The following PPM1E variants were observed in gnomAD, a reference collection of about 807,000 sequenced individuals.
PPM1E encodes protein phosphatase, Mg2+/Mn2+ dependent 1E, also known as protein phosphatase 1E.
In PPM1E, 20 loss-of-function variants were observed where a neutral mutation model predicts 65.9. The ratio of observed to expected loss-of-function variants is 0.30; its 90% confidence interval spans 0.21 to 0.44. The LOEUF (loss-of-function observed/expected upper bound fraction) is 0.44. PPM1E is among the 20% of genes least tolerant of loss of function. The pLI is 1.00. For missense variants in PPM1E, 713 were observed against 953.1 expected (o/e 0.75, Z 3.32); for synonymous variants, 352 against 374.9 (o/e 0.94, Z 0.70).
chr17:58,913,345 T>C (rs1002879100), intron 1 of PPM1E, among the ~76,000 whole-genome samples: 1 of 152,096 alleles, frequency 6.6e-6, no homozygotes, highest in Admixed American at 6.5e-5. Context: ...GTTAGCAAGG[T>C]AATAAGTGAG....
intron 1 of PPM1E, among the ~76,000 whole-genome samples, chr17:58,862,151 G>A (rs1332424163): frequency 1.3e-5 from 2 of 152,138 alleles, no homozygotes; most frequent in Non-Finnish European, 1.5e-5. Flanking sequence ...AGTTTCATAG[G>A]TCTGCCTGTT....
At chr17:58,887,406 A>T (rs917785990) in intron 1 of PPM1E, among the ~76,000 whole-genome samples, 3 of 152,096 alleles carry the variant, frequency 2.0e-5, no homozygotes, top group Non-Finnish European at 4.4e-5. Flanking sequence ...ACCTCAGGTG[A>T]TCTGCCCGTC....
intron 1 of PPM1E, among the ~76,000 whole-genome samples, chr17:58,846,075 G>A (rs2050768560): frequency 6.6e-6 from 1 of 152,144 alleles, no homozygotes; most frequent in African/African-American, 2.4e-5. Flanking sequence ...TACCTGGGTT[G>A]CTTCCATGTT....
chr17:58,859,551 C>T (rs2050917372), intron 1 of PPM1E, among the ~76,000 whole-genome samples: 1 of 152,156 alleles, frequency 6.6e-6, no homozygotes, highest in Non-Finnish European at 1.5e-5. Flanking sequence ...GAGAATTTGT[C>T]AGACTGTAAA....
intron 1 of PPM1E, among the ~76,000 whole-genome samples, chr17:58,937,658 C>G (rs2052001391): frequency 6.7e-6 from 1 of 149,196 alleles, no homozygotes; most frequent in Non-Finnish European, 1.5e-5. Context: ...GGGTGGATAA[C>G]AAGGTTAGGA....
chr17:58,864,619 GA>G (rs754058544), intron 1 of PPM1E, among the ~76,000 whole-genome samples: 1 of 151,724 alleles, frequency 6.6e-6, no homozygotes, highest in Non-Finnish European at 1.5e-5. Context: ...CAGCCTGGGC[GA>G]CAGAGCGAGA....
intron 2 of PPM1E, among the ~76,000 whole-genome samples, chr17:58,956,456 A>C (rs117799006): frequency 0.074 from 4,357 of 58,806 alleles, 151 homozygotes; most frequent in African/African-American, 0.18. Context: ...AAAAAACAAA[A>C]AACAAAAAAA....
intron 1 of PPM1E, among the ~76,000 whole-genome samples, chr17:58,818,065 T>C (rs2050444600): frequency 6.6e-6 from 1 of 152,286 alleles, no homozygotes; most frequent in South Asian, 2.1e-4. Flanking sequence ...TAAAGTTAAA[T>C]CTGTACTGTC....
At chr17:58,760,031 A>G (rs1290155563) in intron 1 of PPM1E, among the ~76,000 whole-genome samples, 1 of 152,232 alleles carries the variant, frequency 6.6e-6, no homozygotes, top group African/African-American at 2.4e-5. Context: ...ACATAAGCAA[A>G]AAGAGGAAAA....
chr17:58,837,811 T>G (rs750817437), intron 1 of PPM1E, among the ~76,000 whole-genome samples: 1 of 152,234 alleles, frequency 6.6e-6, no homozygotes, highest in Non-Finnish European at 1.5e-5. Flanking sequence ...GAGGTTTTTA[T>G]AAATTATATG....
chr17:58,834,069 G>A (rs532072860), intron 1 of PPM1E, among the ~76,000 whole-genome samples: 4 of 152,212 alleles, frequency 2.6e-5, no homozygotes, highest in Non-Finnish European at 4.4e-5. Context: ...CATGTCTTTC[G>A]CCCATTTGGA....
rs1265122516 is a variant in PPM1E, at chr17:58,808,939, A to G, written c.464+52478A>G. On this transcript the variant is annotated intron_variant, in intron 1 of 6. Coordinates refer to ENST00000308249, the MANE Select transcript of PPM1E (RefSeq NM_014906.5). ...CAAAATAGAACAATGACTCTCAAAC[A>G]ACCAATAAGGACAATCTTCTAACTT... Among the ~76,000 whole-genome samples the G allele has an allele frequency of 2.0e-5, 3 of 152,300 alleles. No homozygotes were observed. In the East Asian group the frequency reaches 5.8e-4, roughly 29 times the overall value.
chr17:58,805,246 GTCTT>G (rs1218385350), intron 1 of PPM1E, among the ~76,000 whole-genome samples: 30 of 151,930 alleles, frequency 2.0e-4, no homozygotes, highest in Admixed American at 1.6e-3. Flanking sequence ...CCAATGTGTA[GTCTT>G]TCTTTTTTCT....
At chr17:58,946,233 C>T (rs574641472) in intron 1 of PPM1E, among the ~76,000 whole-genome samples, 30 of 152,182 alleles carry the variant, frequency 2.0e-4, no homozygotes, top group African/African-American at 6.0e-4. Flanking sequence ...TCCAGTACCC[C>T]GTCACTCAGG....
chr17:58,815,837 A>G (rs1046012809), intron 1 of PPM1E, among the ~76,000 whole-genome samples: 4 of 152,082 alleles, frequency 2.6e-5, no homozygotes, highest in Middle Eastern at 3.2e-3. Context: ...GATTTTTTAT[A>G]GTTGTCATTT....
chr17:58,909,440 TAG>T (rs1176002004), intron 1 of PPM1E, among the ~76,000 whole-genome samples: 2 of 152,154 alleles, frequency 1.3e-5, no homozygotes, highest in Non-Finnish European at 2.9e-5. Context: ...TTCCTTTTTG[TAG>T]AGACAGGCTC....
intron 1 of PPM1E, among the ~76,000 whole-genome samples, chr17:58,828,977 A>G (rs906193342): frequency 1.3e-5 from 2 of 152,112 alleles, no homozygotes; most frequent in Non-Finnish European, 2.9e-5. Flanking sequence ...TAATGTTTAC[A>G]TTGTTTGAAT....
intron 1 of PPM1E, among the ~76,000 whole-genome samples, chr17:58,785,016 T>A (rs945221256): frequency 7.2e-5 from 11 of 152,152 alleles, no homozygotes; most frequent in Non-Finnish European, 1.6e-4. Flanking sequence ...ATTTATATAT[T>A]TTTTCTTTTG....
chr17:58,770,815 G>T (rs1246546578), intron 1 of PPM1E, among the ~76,000 whole-genome samples: 4 of 150,864 alleles, frequency 2.7e-5, no homozygotes, highest in African/African-American at 4.9e-5. Flanking sequence ...TCTGTATTGA[G>T]AATTCCCTTG....
Sources: gnomAD v4.1 joint callset for allele counts (sites outside exome capture counted in the v4.1 genomes callset) on GRCh38, gnomAD v4.1.1 for gene constraint, MANE v1.5 for transcripts, NCBI Gene and HGNC (gene_info 2026-07-23, HGNC 2026-07-21) for gene names.